Variants in CCSER1 observed in about 807,000 individuals in gnomAD.
CCSER1 encodes the protein coiled-coil serine rich protein 1.
A neutral mutation model predicts 82.0 loss-of-function variants in CCSER1; 41 were observed. The ratio of observed to expected loss-of-function variants is 0.50; its 90% CI spans 0.39 to 0.65. CCSER1 has a LOEUF of 0.65. CCSER1 is among the 30% of genes least tolerant of loss of function. The pLI, the probability that CCSER1 is intolerant of heterozygous loss-of-function variation, is 0.00. For synonymous variants in CCSER1, 414 were observed against 383.9 expected (o/e 1.08, Z -0.92); for missense variants, 1,119 against 1,064.2 (o/e 1.05, Z -0.72).
At chr4:90,328,673 C>G (rs1045105427) in intron 3 of CCSER1, among the ~76,000 whole-genome samples, 1 of 152,112 alleles carries the variant, frequency 6.6e-6, no homozygotes, top group African/African-American at 2.4e-5. Context: ...CTTGGCAACC[C>G]CCAGAGACAC....
chr4:90,553,993 A>G lies in CCSER1; in HGVS notation c.1725-74032A>G, dbSNP rs531435824. Reference sequence around the variant, plus strand: ...ACTAGGTATTATTACCAAAATTTGTATTTCTTTTCTACATATCACAATGTT... The same window carrying G: ...ACTAGGTATTATTACCAAAATTTGTGTTTCTTTTCTACATATCACAATGTT... On this transcript the variant is annotated intron_variant, in intron 5 of 10. Transcript: ENST00000509176. Among the ~76,000 whole-genome samples, 12 of 152,336 alleles carry G rather than the reference A, an allele frequency of 7.9e-5. No homozygotes were observed. The South Asian group carries it at 2.5e-3, about 32-fold the overall frequency.
intron 10 of CCSER1, among the ~76,000 whole-genome samples, chr4:91,300,031 CTTT>C (rs916568017): frequency 2.0e-5 from 3 of 151,906 alleles, no homozygotes; most frequent in African/African-American, 7.2e-5. Flanking sequence ...GCTTCCACCT[CTTT>C]TGAAGTAATG....
chr4:90,928,925 C>T (rs753928392), intron 9 of CCSER1, among the ~76,000 whole-genome samples: 2 of 152,068 alleles, frequency 1.3e-5, no homozygotes, highest in East Asian at 1.9e-4. Context: ...TAGAGGAATA[C>T]GGTCTACCTG....
intron 10 of CCSER1, among the ~76,000 whole-genome samples, chr4:91,401,255 CAT>C (rs953166675): frequency 8.7e-5 from 13 of 148,968 alleles, no homozygotes; most frequent in Admixed American, 1.4e-4. Context: ...TATTCTAAGA[CAT>C]ATATAGTTAT....
intron 5 of CCSER1, among the ~76,000 whole-genome samples, chr4:90,583,407 C>A (rs1781640412): frequency 6.6e-6 from 1 of 152,100 alleles, no homozygotes; most frequent in African/African-American, 2.4e-5. Context: ...CTCAGGTGAT[C>A]CACCCGCTTC....
chr4:90,282,333 G>A (rs949034472), intron 1 of CCSER1, among the ~76,000 whole-genome samples: 3 of 151,646 alleles, frequency 2.0e-5, no homozygotes, highest in Non-Finnish European at 2.9e-5. Context: ...TATGATAAAA[G>A]CACTGTTTGG....
chr4:91,604,162 A>G lies in CCSER1; in HGVS notation c.*5105A>G, dbSNP rs1276174112. 2.0e-5 allele frequency: 3 copies of G among 152,132 alleles called. No individual in the cohort carries two copies. Among genetic ancestry groups the G allele is most frequent in the Non-Finnish European group, 2.9e-5 (2 of 68,004 alleles). The allele number at this position is 152,132 out of a possible 1,614,324, so 9.4% of individuals were successfully genotyped here. A position where few individuals can be genotyped will look rare whatever the true frequency, so the allele number is the denominator to read the frequency against. ...ACATTAGGTAACTTGTCCAGGACAC[A>G]CAACATGCATTTTTAATTAAATTGG... On this transcript the variant is annotated 3_prime_UTR_variant, in exon 11 of 11. Transcript: ENST00000509176.
chr4:90,866,488 A>G (rs1282850755), intron 8 of CCSER1, among the ~76,000 whole-genome samples: 1 of 152,050 alleles, frequency 6.6e-6, no homozygotes, highest in Non-Finnish European at 1.5e-5. Flanking sequence ...CAATTTGGAA[A>G]CTAATTATTG....
chr4:91,406,147 G>C (rs1752684767), intron 10 of CCSER1, among the ~76,000 whole-genome samples: 2 of 152,098 alleles, frequency 1.3e-5, no homozygotes, highest in Non-Finnish European at 2.9e-5. Context: ...TAAGAGTCAA[G>C]ACCCATAAGT....
At chr4:91,147,358 C>A (rs1729641625) in intron 10 of CCSER1, among the ~76,000 whole-genome samples, 1 of 152,188 alleles carries the variant, frequency 6.6e-6, no homozygotes, top group South Asian at 2.1e-4. Flanking sequence ...TACGTTTTTC[C>A]ACAGACTTCT....
intron 4 of CCSER1, among the ~76,000 whole-genome samples, chr4:90,447,347 A>T (rs999380105): frequency 5.9e-5 from 9 of 152,194 alleles, no homozygotes; most frequent in Non-Finnish European, 8.8e-5. Flanking sequence ...GGGGAAAAAA[A>T]AAAAAGAATG....
chr4:90,410,600 T>C (rs556467371), intron 4 of CCSER1, among the ~76,000 whole-genome samples: 2 of 152,076 alleles, frequency 1.3e-5, no homozygotes, highest in East Asian at 3.9e-4. Context: ...AGACACAACA[T>C]ACGAGCATCT....
intron 3 of CCSER1, 131 bp from the exon 4 acceptor site, chr4:90,399,905 A>G: frequency 2.0e-6 from 1 of 508,442 alleles, no homozygotes; most frequent in Non-Finnish European, 3.6e-6. Context: ...GTGTCAAATG[A>G]TTTCTGAGAC....
chr4:91,545,079 G>A (rs931788939), intron 10 of CCSER1, among the ~76,000 whole-genome samples: 14 of 152,138 alleles, frequency 9.2e-5, no homozygotes, highest in Non-Finnish European at 5.9e-5. Context: ...ATTTCAGACT[G>A]CTGTGCTAAC....
At chr4:90,145,866 T>C (rs1206724001) in intron 1 of CCSER1, among the ~76,000 whole-genome samples, 3 of 152,112 alleles carry the variant, frequency 2.0e-5, no homozygotes, top group Non-Finnish European at 4.4e-5. Flanking sequence ...AATTTTCATA[T>C]AATGCTGATC....
chr4:90,625,551 A>G (rs777589088), intron 5 of CCSER1, among the ~76,000 whole-genome samples: 4 of 152,220 alleles, frequency 2.6e-5, no homozygotes, highest in Non-Finnish European at 5.9e-5. Context: ...ATGTAGAGAT[A>G]AAATGTTTTG....
Position 90,932,982 on chromosome 4 carries a change from G to GAGAAAGAAAGAAAGAAAGAA in CCSER1, c.2172+9579_2172+9598dup, listed in dbSNP as rs765197842. ...AGAAAGAAAGAAAGAAAGAAAGAAAGAGAAAGAAAGAAAGAAAGAAAGAAA... is the reference window on the plus strand; with the variant it reads ...AGAAAGAAAGAAAGAAAGAAAGAAAGAGAAAGAAAGAAAGAAAGAAAGAAAGAAAGAAAGAAAGAAAGAAA... On this transcript the variant is annotated intron_variant, in intron 9 of 10. Coordinates refer to ENST00000509176, the MANE Select transcript of CCSER1 (RefSeq NM_001145065.2). Among the ~76,000 whole-genome samples the GAGAAAGAAAGAAAGAAAGAA allele has an allele frequency of 2.7e-4, 5 of 18,866 alleles. 1 individual carries two copies. Among genetic ancestry groups the GAGAAAGAAAGAAAGAAAGAA allele is most frequent in the Non-Finnish European group, 4.7e-4 (5 of 10,686 alleles). 12.4% of individuals were successfully genotyped at this position (18,866 alleles called of 152,430 possible).
At chr4:90,960,892 G>A (rs1428105604) in intron 9 of CCSER1, among the ~76,000 whole-genome samples, 1 of 152,102 alleles carries the variant, frequency 6.6e-6, no homozygotes, top group Admixed American at 6.6e-5. Flanking sequence ...TATAAGGAAG[G>A]TACTATTTTT....
At chr4:90,825,062 G>T (rs1052600485) in intron 8 of CCSER1, among the ~76,000 whole-genome samples, 2 of 152,126 alleles carry the variant, frequency 1.3e-5, no homozygotes, top group Non-Finnish European at 1.5e-5. Flanking sequence ...CTGCCAAAAA[G>T]ATACAATCTT....
Sources: gnomAD v4.1 joint callset for allele counts (sites outside exome capture counted in the v4.1 genomes callset) on GRCh38, gnomAD v4.1.1 for gene constraint, MANE v1.5 for transcripts, NCBI Gene and HGNC (gene_info 2026-07-23, HGNC 2026-07-21) for gene names.